Variants in NSMCE2 observed in about 807,000 individuals in gnomAD.
NSMCE2 encodes the protein NSE2 SUMO ligase component of SMC5/6 complex.
Under a neutral mutation model 23.8 loss-of-function variants are expected in NSMCE2, and 24 were observed. That is an observed-to-expected ratio of 1.01 (90% CI 0.73 to 1.42). The LOEUF (loss-of-function observed/expected upper bound fraction) is 1.42. Ranked by LOEUF, NSMCE2 falls within the 40% of genes most tolerant of loss-of-function variation. The probability of loss-of-function intolerance (pLI) is 0.00; values close to 1 mark genes in which losing one functional copy is unlikely to be tolerated. For synonymous variants in NSMCE2, 92 were observed against 94.1 expected, an observed-to-expected ratio of 0.98 and a Z score of 0.13; for missense variants, 284 against 296.5, an observed-to-expected ratio of 0.96 and a Z score of 0.31.
At chr8:125,289,256 G>T (rs1456699357) in intron 5 of NSMCE2, among the ~76,000 whole-genome samples, 1 of 152,190 alleles carries the variant, frequency 6.6e-6, no homozygotes, top group East Asian at 1.9e-4. Flanking sequence ...GAAAAATATA[G>T]GCAGTTATCC....
intron 5 of NSMCE2, among the ~76,000 whole-genome samples, chr8:125,343,869 G>T (rs1198481244): frequency 6.6e-6 from 1 of 152,062 alleles, no homozygotes; most frequent in East Asian, 1.9e-4. Flanking sequence ...AGCTGGACGT[G>T]GTGGCGGGCG....
intron 5 of NSMCE2, among the ~76,000 whole-genome samples, chr8:125,266,092 CT>C (rs71295827): frequency 4.5e-4 from 60 of 132,386 alleles, no homozygotes; most frequent in Admixed American, 8.0e-4. Flanking sequence ...CAAATTTTTT[CT>C]TTTTTTTTTT....
chr8:125,174,438 A>G (rs1016703703), intron 4 of NSMCE2, among the ~76,000 whole-genome samples: 10 of 152,182 alleles, frequency 6.6e-5, no homozygotes, highest in African/African-American at 2.4e-5. Context: ...GGGAATTCTA[A>G]TGCTGTATTC....
At chr8:125,267,797 T>G (rs1468091831) in intron 5 of NSMCE2, among the ~76,000 whole-genome samples, 2 of 152,136 alleles carry the variant, frequency 1.3e-5, no homozygotes, top group Non-Finnish European at 2.9e-5. Context: ...ATCGGTACTT[T>G]ATCTAATAGG....
rs150343373 is a variant in NSMCE2, at chr8:125,247,553, C to T, written c.418+65297C>T. Among the ~76,000 whole-genome samples the T allele has an allele frequency of 6.0e-3, 915 of 152,102 alleles. 11 individuals are homozygous for T. Among genetic ancestry groups the T allele is most frequent in the African/African-American group, 0.021 (868 of 41,502 alleles). On this transcript the variant is annotated intron_variant, in intron 5 of 7. Coordinates refer to ENST00000287437, the MANE Select transcript of NSMCE2 (RefSeq NM_173685.4). The stretch of plus-strand genomic sequence containing the variant: ...CAGCCTGGCCAACACGGTGAAACCC[C>T]GTCTCCACTGAAAATATAAAAATTA...
chr8:125,245,144 G>A (rs185148819), intron 5 of NSMCE2, among the ~76,000 whole-genome samples: 25 of 152,142 alleles, frequency 1.6e-4, no homozygotes, highest in African/African-American at 4.8e-4. Flanking sequence ...TTAGCCCGGC[G>A]TGGTGGTGGA....
At chr8:125,349,755 C>T (rs1328320874) in intron 5 of NSMCE2, among the ~76,000 whole-genome samples, 1 of 152,128 alleles carries the variant, frequency 6.6e-6, no homozygotes, top group Admixed American at 6.5e-5. Flanking sequence ...TGGCCAGTAC[C>T]AAATGTATTT....
chr8:125,115,588 C>T (rs7836506), intron 3 of NSMCE2, among the ~76,000 whole-genome samples: 74,058 of 152,026 alleles, frequency 0.49, 22,345 homozygotes, highest in African/African-American at 0.86. Context: ...CCATCTCTGC[C>T]AAAAATACAA....
At chr8:125,296,149 A>G (rs1034711965) in intron 5 of NSMCE2, among the ~76,000 whole-genome samples, 1 of 152,200 alleles carries the variant, frequency 6.6e-6, no homozygotes, top group South Asian at 2.1e-4. Context: ...AATACTTTCC[A>G]TGGCCCTATG....
At chr8:125,175,103 CT>C in intron 4 of NSMCE2, among the ~76,000 whole-genome samples, 1 of 152,154 alleles carries the variant, frequency 6.6e-6, no homozygotes, top group Middle Eastern at 3.4e-3. Context: ...TTGGGCATGC[CT>C]TTTAAGAACA....
chr8:125,229,089 A>G (rs1469691874), intron 5 of NSMCE2, among the ~76,000 whole-genome samples: 9 of 152,214 alleles, frequency 5.9e-5, no homozygotes, highest in Non-Finnish European at 1.5e-5. Context: ...TAATGAAGAT[A>G]CTTCTAGTGG....
At chr8:125,195,317 A>G (rs1226221236) in intron 5 of NSMCE2, among the ~76,000 whole-genome samples, 1 of 152,146 alleles carries the variant, frequency 6.6e-6, no homozygotes, top group Non-Finnish European at 1.5e-5. Flanking sequence ...TGGCAATGCT[A>G]ATGTACAATG....
At chr8:125,213,829 G>C (rs954367586) in intron 5 of NSMCE2, among the ~76,000 whole-genome samples, 6 of 151,802 alleles carry the variant, frequency 4.0e-5, no homozygotes, top group Admixed American at 3.9e-4. Context: ...GTTGGGATTT[G>C]TTGGGTTTCA....
chr8:125,245,037 C>T (rs1825903281), intron 5 of NSMCE2, among the ~76,000 whole-genome samples: 1 of 152,160 alleles, frequency 6.6e-6, no homozygotes, highest in Non-Finnish European at 1.5e-5. Context: ...AATCCCAACA[C>T]TTCAGGAGGC....
At chr8:125,133,604 G>C (rs1819884305) in intron 3 of NSMCE2, among the ~76,000 whole-genome samples, 1 of 151,764 alleles carries the variant, frequency 6.6e-6, no homozygotes, top group Non-Finnish European at 1.5e-5. Context: ...AGTGAGGCAT[G>C]GTGGCTCGCA....
intron 5 of NSMCE2, among the ~76,000 whole-genome samples, chr8:125,246,116 ACT>A (rs1214152144): frequency 6.6e-6 from 1 of 152,084 alleles, no homozygotes; most frequent in Admixed American, 6.5e-5. Flanking sequence ...AATATTTTTA[ACT>A]CTGTGACAAT....
chr8:125,152,688 CAAAG>C (rs1046360634), intron 4 of NSMCE2, among the ~76,000 whole-genome samples: 1 of 152,136 alleles, frequency 6.6e-6, no homozygotes, highest in Non-Finnish European at 1.5e-5. Context: ...ATTTTGGAGT[CAAAG>C]AACGTTATGT....
chr8:125,171,920 A>G (rs868449239), intron 4 of NSMCE2, among the ~76,000 whole-genome samples: 4 of 152,250 alleles, frequency 2.6e-5, no homozygotes, highest in Admixed American at 6.5e-5. Flanking sequence ...GCTCTTGAGC[A>G]CTTGGCAGTG....
intron 3 of NSMCE2, among the ~76,000 whole-genome samples, chr8:125,142,658 A>T (rs1321209603): frequency 6.6e-6 from 1 of 151,376 alleles, no homozygotes; most frequent in Non-Finnish European, 1.5e-5. Context: ...ATGCTGGAGG[A>T]CAGTGGTGCT....
Sources: gnomAD v4.1 joint callset for allele counts (sites outside exome capture counted in the v4.1 genomes callset) on GRCh38, gnomAD v4.1.1 for gene constraint, MANE v1.5 for transcripts, NCBI Gene and HGNC (gene_info 2026-07-23, HGNC 2026-07-21) for gene names.